DRC8: variants seen among roughly 807,000 people sequenced by gnomAD.
The protein encoded by DRC8 is dynein regulatory complex protein 8.
the DRC8 span, among the ~76,000 whole-genome samples, chr1:245,113,532 C>G: frequency 2.6e-5 from 4 of 151,996 alleles, no homozygotes; most frequent in African/African-American, 7.3e-5. Flanking sequence ...AATGGCAGCT[C>G]CTGGGAAAAA....
the DRC8 span, chr1:244,970,632 C>G: frequency 2.2e-6 from 1 of 453,362 alleles, no homozygotes; most frequent in East Asian, 4.6e-5. Context: ...CCGCCCGGCC[C>G]GCCGCTCCGC....
chr1:245,030,874 T>A, the DRC8 span: 1 of 152,264 alleles, frequency 6.6e-6, no homozygotes, highest in Non-Finnish European at 1.5e-5. Context: ...TATTCAGTAG[T>A]GTGTGCCTTT....
the DRC8 span, among the ~76,000 whole-genome samples, chr1:244,996,801 T>C: frequency 2.0e-5 from 3 of 152,218 alleles, no homozygotes; most frequent in Admixed American, 2.0e-4. Context: ...TTAATGTCTA[T>C]TTTATATGTG....
chr1:245,095,224 G>T, the DRC8 span, among the ~76,000 whole-genome samples: 3 of 152,210 alleles, frequency 2.0e-5, no homozygotes, highest in Non-Finnish European at 2.9e-5. Flanking sequence ...GCTGAGCTCC[G>T]TCTGGCCTGG....
At chr1:244,975,988 G>A in the DRC8 span, among the ~76,000 whole-genome samples, 1 of 152,078 alleles carries the variant, frequency 6.6e-6, no homozygotes, top group Non-Finnish European at 1.5e-5. Flanking sequence ...ATAAGAGTTG[G>A]CCAGGCGTGG....
the DRC8 span, among the ~76,000 whole-genome samples, chr1:245,005,903 G>C: frequency 6.6e-6 from 1 of 152,082 alleles, no homozygotes; most frequent in Non-Finnish European, 1.5e-5. Context: ...CAATATTCCA[G>C]GCAGGAGTGT....
At chr1:245,079,325 C>T in the DRC8 span, among the ~76,000 whole-genome samples, 7 of 152,220 alleles carry the variant, frequency 4.6e-5, no homozygotes, top group East Asian at 7.7e-4. Context: ...CCTGTTTATT[C>T]GTTGTCCCTC....
At chr1:245,040,176 T>C in the DRC8 span, among the ~76,000 whole-genome samples, 1 of 152,218 alleles carries the variant, frequency 6.6e-6, no homozygotes, top group Non-Finnish European at 1.5e-5. Flanking sequence ...TCTCATTTTG[T>C]TGGGCAGTCG....
the DRC8 span, among the ~76,000 whole-genome samples, chr1:244,971,313 G>A: frequency 5.3e-5 from 8 of 152,258 alleles, no homozygotes; most frequent in Non-Finnish European, 1.0e-4. Context: ...TCTCCCAGGG[G>A]ACCACCCAGC....
At chr1:245,017,005 G>A in the DRC8 span, among the ~76,000 whole-genome samples, 1 of 152,170 alleles carries the variant, frequency 6.6e-6, no homozygotes, top group East Asian at 1.9e-4. Context: ...ATTAAGCTGT[G>A]TATTTAAGAT....
chr1:245,070,886 A>G, the DRC8 span, among the ~76,000 whole-genome samples: 1 of 152,212 alleles, frequency 6.6e-6, no homozygotes, highest in Non-Finnish European at 1.5e-5. Flanking sequence ...GCAATGTTAT[A>G]AAAGGGCTGG....
the DRC8 span, among the ~76,000 whole-genome samples, chr1:245,062,082 C>T: frequency 6.6e-6 from 1 of 152,058 alleles, no homozygotes; most frequent in African/African-American, 2.4e-5. Flanking sequence ...CTCCAGCCTG[C>T]GTGACAGAGC....
chr1:244,984,399 TC>T, the DRC8 span, among the ~76,000 whole-genome samples: 1 of 152,152 alleles, frequency 6.6e-6, no homozygotes, highest in Non-Finnish European at 1.5e-5. Context: ...TGTTACTAAA[TC>T]CCTGGATTTA....
the DRC8 span, among the ~76,000 whole-genome samples, chr1:245,098,515 G>A: frequency 1.3e-5 from 2 of 152,138 alleles, no homozygotes; most frequent in Admixed American, 6.5e-5. Context: ...GTCCTATTCC[G>A]TCCCCCATCC....
the DRC8 span, among the ~76,000 whole-genome samples, chr1:244,972,284 A>G: frequency 3.2e-4 from 49 of 152,344 alleles, no homozygotes; most frequent in African/African-American, 1.1e-3. Flanking sequence ...TAGAACTTTG[A>G]AAGATACGAA....
chr1:245,085,368 A>C, the DRC8 span, among the ~76,000 whole-genome samples: 1 of 152,220 alleles, frequency 6.6e-6, no homozygotes. Context: ...TCTGTCACAC[A>C]TGGTAGATAT....
the DRC8 span, among the ~76,000 whole-genome samples, chr1:245,069,905 C>G: frequency 1.3e-5 from 2 of 151,952 alleles, no homozygotes; most frequent in Non-Finnish European, 2.9e-5. Context: ...ATTAGCCAGG[C>G]TTGGTGGTGT....
chr1:245,101,450 A>G, the DRC8 span, among the ~76,000 whole-genome samples: 1 of 152,224 alleles, frequency 6.6e-6, no homozygotes. Context: ...GTATCCTTCT[A>G]TCAGGAAGTA....
the DRC8 span, among the ~76,000 whole-genome samples, chr1:245,022,508 A>G: frequency 2.0e-5 from 3 of 152,180 alleles, no homozygotes; most frequent in East Asian, 1.9e-4. Flanking sequence ...TTTAGAAGTT[A>G]AGAAGACTGA....
Sources: allele counts gnomAD v4.1 joint callset (sites outside exome capture counted in the v4.1 genomes callset), GRCh38; gene constraint gnomAD v4.1.1; transcripts MANE v1.5; gene names NCBI Gene and HGNC (gene_info 2026-07-23, HGNC 2026-07-21).